Variants in PCDHA9 observed in about 807,000 individuals in gnomAD.
PCDHA9 encodes protocadherin alpha 9, also known as protocadherin alpha-9.
Under a neutral mutation model 62.0 loss-of-function variants are expected in PCDHA9, and 62 were observed. The observed-to-expected ratio is 1.00, with a 90% CI of 0.81 to 1.23. PCDHA9 has a LOEUF of 1.23. Among genes scored for constraint, PCDHA9 ranks in the 50% most tolerant of loss-of-function variants. The pLI, the probability that PCDHA9 is intolerant of heterozygous loss-of-function variation, is 0.00. For synonymous variants in PCDHA9, 557 were observed against 567.6 expected (o/e 0.98, Z 0.27); for missense variants, 1,205 against 1,249.8 (o/e 0.96, Z 0.54).
At chr5:140,852,819 T>C in intron 1 of PCDHA9, 1 of 969,756 alleles carries the variant, frequency 1.0e-6, no homozygotes, top group Non-Finnish European at 1.2e-6. Flanking sequence ...CCGCCCTAAG[T>C]CCTCCAGTCT....
intron 3 of PCDHA9, among the ~76,000 whole-genome samples, chr5:141,001,247 A>G (rs547699044): frequency 1.3e-5 from 2 of 152,256 alleles, no homozygotes; most frequent in African/African-American, 2.4e-5. Flanking sequence ...AATCAACCCT[A>G]TGGGGCGGGC....
intron 1 of PCDHA9, among the ~76,000 whole-genome samples, chr5:140,915,626 G>C (rs928151112): frequency 6.1e-5 from 9 of 146,436 alleles, no homozygotes; most frequent in East Asian, 4.1e-4. Flanking sequence ...GTCTCTTTCT[G>C]TCTCTCTCTC....
At position 140,993,462 on chromosome 5, in the gene PCDHA9, TCACACACACACACACACACA is replaced by T. The variant is rs3836747; in HGVS notation, c.2542+10927_2542+10946del. ...CATTCCTGTTCTCCTTCTTTCTTTC[TCACACACACACACACACACA>T]CACACACACACACACACACACACAC... On this transcript the variant is annotated intron_variant, in intron 3 of 3. Coordinates refer to ENST00000532602, the MANE Select transcript of PCDHA9 (RefSeq NM_031857.2). Among the ~76,000 whole-genome samples the T allele has an allele frequency of 7.1e-5, 10 of 141,044 alleles. No individual in the cohort carries two copies. In the South Asian group the frequency reaches 9.5e-4, roughly 13 times the overall value. The allele number at this position is 141,044 out of a possible 152,430, so 92.5% of individuals were successfully genotyped here.
At chr5:141,002,456 A>G (rs2098081347) in intron 3 of PCDHA9, among the ~76,000 whole-genome samples, 1 of 152,242 alleles carries the variant, frequency 6.6e-6, no homozygotes, top group Non-Finnish European at 1.5e-5. Context: ...GCACATTTGT[A>G]TAACGCTTTA....
chr5:140,930,668 T>C (rs2087022080), intron 1 of PCDHA9, among the ~76,000 whole-genome samples: 1 of 152,216 alleles, frequency 6.6e-6, no homozygotes, highest in South Asian at 2.1e-4. Flanking sequence ...GTTTTACTAT[T>C]CTAGGCAATA....
intron 1 of PCDHA9, among the ~76,000 whole-genome samples, chr5:140,949,788 G>C (rs2094421903): frequency 6.6e-6 from 1 of 151,684 alleles, no homozygotes; most frequent in Non-Finnish European, 1.5e-5. Context: ...GTTTAGATTT[G>C]TGTCCTTCAA....
At chr5:140,876,673 T>C (rs1554168774) in intron 1 of PCDHA9, 1 of 1,614,206 alleles carries the variant, frequency 6.2e-7, no homozygotes, top group Non-Finnish European at 8.5e-7. Flanking sequence ...GGTGTCCACC[T>C]ACAAGAATTA....
At chr5:141,008,686 A>G (rs1419778370) in intron 3 of PCDHA9, among the ~76,000 whole-genome samples, 1 of 152,174 alleles carries the variant, frequency 6.6e-6, no homozygotes, top group Non-Finnish European at 1.5e-5. Flanking sequence ...TAGTTATTGC[A>G]TGTATTAAGT....
chr5:140,928,785 G>A, intron 1 of PCDHA9: 1 of 1,614,144 alleles, frequency 6.2e-7, no homozygotes, highest in Middle Eastern at 1.6e-4. Context: ...ATGCAGTTAA[G>A]CAGAGGGTGG....
chr5:140,849,896 C>A lies in PCDHA9; in HGVS notation c.1401C>A (p.Asn467Lys). 6.3e-7 allele frequency: 1 copy of A among 1,598,590 alleles called. No individual in the cohort carries two copies. Among genetic ancestry groups the A allele is most frequent in the Non-Finnish European group, 8.6e-7 (1 of 1,167,992 alleles). ...AGTACACGGTGTTCGTGAAGGAGAA[C>A]AACCCGCCGGGCTGCCACATCTTCA... ...QSEYTVFVKE[N>K]NPPGCHIFTV... The change falls in exon 1 of 4, where the codon AAC (asparagine) becomes AAA (lysine). Residue 467 changes from asparagine (N) to lysine (K), a missense_variant. Physicochemically the swap from Asn to Lys is moderately conservative, Grantham distance 94. Coordinates refer to ENST00000532602, the MANE Select transcript of PCDHA9 (RefSeq NM_031857.2).
At chr5:140,896,000 AG>A (rs1239259521) in intron 1 of PCDHA9, among the ~76,000 whole-genome samples, 1 of 152,064 alleles carries the variant, frequency 6.6e-6, no homozygotes, top group Non-Finnish European at 1.5e-5. Flanking sequence ...AAGTAGAGAC[AG>A]GGTTTCTCCA....
At chr5:140,973,442 A>G (rs1230315099) in intron 1 of PCDHA9, among the ~76,000 whole-genome samples, 4 of 152,274 alleles carry the variant, frequency 2.6e-5, no homozygotes, top group Non-Finnish European at 5.9e-5. Context: ...TGGTCACTTT[A>G]TAATGACTGG....
In PCDHA9 at chr5:140,929,084, T is replaced by C; in HGVS notation, c.2395-49865T>C. On this transcript the variant is annotated intron_variant, in intron 1 of 3. Transcript: ENST00000532602. ...GAGGATCTGAGGTATGGAAGTAAGATGGTTTCAAATCCTTGCATGACATCA... is the reference window on the plus strand; with the variant it reads ...GAGGATCTGAGGTATGGAAGTAAGACGGTTTCAAATCCTTGCATGACATCA... The C allele has an allele frequency of 1.9e-6, 3 of 1,614,160 alleles. No individual in the cohort carries two copies. The South Asian group carries it at 3.3e-5, about 18-fold the overall frequency.
At chr5:140,869,843 A>C in intron 1 of PCDHA9, 1 of 1,611,638 alleles carries the variant, frequency 6.2e-7, no homozygotes, top group East Asian at 2.2e-5. Context: ...AAATCAGAAT[A>C]TAAGGTGAGC....
intron 1 of PCDHA9, chr5:140,968,416 G>A: frequency 1.2e-6 from 2 of 1,613,992 alleles, no homozygotes; most frequent in Non-Finnish European, 1.7e-6. Context: ...TGACTGTGGA[G>A]GCTCAGGACA....
chr5:140,867,027 C>G (rs1043288554), intron 1 of PCDHA9: 1 of 152,102 alleles, frequency 6.6e-6, no homozygotes, highest in Non-Finnish European at 1.5e-5. Flanking sequence ...ATATCAAACT[C>G]TTTTATGACT....
At chr5:140,951,682 C>T (rs1327606119) in intron 1 of PCDHA9, among the ~76,000 whole-genome samples, 1 of 152,146 alleles carries the variant, frequency 6.6e-6, no homozygotes, top group East Asian at 1.9e-4. Flanking sequence ...TTGGGGATTA[C>T]AATGTGACAT....
At chr5:140,869,141 G>A in intron 1 of PCDHA9, 1 of 1,613,314 alleles carries the variant, frequency 6.2e-7, no homozygotes, top group Non-Finnish European at 8.5e-7. Context: ...GGCACCCCAC[G>A]ACTACAGCTC....
In PCDHA9 at chr5:140,908,379, G is replaced by A. The variant is rs553504980; in HGVS notation, c.2394+57490G>A. Among the ~76,000 whole-genome samples the A allele has an allele frequency of 7.2e-5, 11 of 152,198 alleles. No individual in the cohort carries two copies. In the South Asian group the frequency reaches 1.2e-3, roughly 17 times the overall value. On this transcript the variant is annotated intron_variant, in intron 1 of 3. Coordinates refer to ENST00000532602, the MANE Select transcript of PCDHA9 (RefSeq NM_031857.2). ...TTACTTGTGCCTTCAGGACCTGCTC[G>A]AGCCCGATCACATATATACCACTTC...
Sources: allele counts gnomAD v4.1 joint callset (sites outside exome capture counted in the v4.1 genomes callset), GRCh38; gene constraint gnomAD v4.1.1; transcripts MANE v1.5; gene names NCBI Gene and HGNC (gene_info 2026-07-23, HGNC 2026-07-21).